DLC1: variants seen among roughly 807,000 people sequenced by gnomAD.
The protein encoded by DLC1 is DLC1 Rho GTPase activating protein.
DLC1 carries 54 observed loss-of-function variants against 140.3 expected under a neutral mutation model. The observed-to-expected ratio is 0.38, with a 90% confidence interval of 0.31 to 0.48. The LOEUF (loss-of-function observed/expected upper bound fraction) is 0.48, where lower values mean the gene tolerates loss of function less well. Among genes scored for constraint, DLC1 ranks in the 20% least tolerant of loss-of-function variants. The probability of loss-of-function intolerance (pLI) is 0.96; values close to 1 mark genes in which losing one functional copy is unlikely to be tolerated. For missense variants in DLC1, 2,536 were observed against 1,907.0 expected (o/e 1.33, Z -6.14); for synonymous variants, 986 against 728.1 (o/e 1.35, Z -5.70).
chr8:13,140,517 C>T (rs908454466), intron 5 of DLC1, among the ~76,000 whole-genome samples: 5 of 151,518 alleles, frequency 3.3e-5, no homozygotes, highest in African/African-American at 9.7e-5. Flanking sequence ...ACAGGTTGAG[C>T]CACAGTGCCT....
At chr8:13,561,050 G>A (rs73212128) in intron 1 of DLC1, among the ~76,000 whole-genome samples, 2,228 of 152,036 alleles carry the variant, frequency 0.015, 18 homozygotes, top group Non-Finnish European at 0.023. Flanking sequence ...GTGCTAGTTC[G>A]TATTTCAACA....
intron 4 of DLC1, among the ~76,000 whole-genome samples, chr8:13,393,299 C>T (rs190467493): frequency 1.1e-4 from 16 of 148,120 alleles, no homozygotes; most frequent in African/African-American, 3.7e-4. Flanking sequence ...TCTGAGTATC[C>T]GGCAATGAAA....
At chr8:13,369,863 C>T (rs1835652444) in intron 4 of DLC1, among the ~76,000 whole-genome samples, 1 of 151,356 alleles carries the variant, frequency 6.6e-6, no homozygotes, top group African/African-American at 2.4e-5. Context: ...AGAGCCCTCC[C>T]CTGGCTTCTC....
At chr8:13,200,326 T>C (rs1205611385) in intron 5 of DLC1, among the ~76,000 whole-genome samples, 1 of 152,078 alleles carries the variant, frequency 6.6e-6, no homozygotes, top group Non-Finnish European at 1.5e-5. Flanking sequence ...CCTCCCAAAG[T>C]GCTGGGATTA....
chr8:13,563,521 C>T (rs547793117), intron 1 of DLC1, among the ~76,000 whole-genome samples: 2 of 152,294 alleles, frequency 1.3e-5, no homozygotes, highest in Admixed American at 1.3e-4. Context: ...AGATTCCTGG[C>T]ATCTTTAACT....
chr8:13,347,224 CAGAG>C (rs1272160729), intron 4 of DLC1, among the ~76,000 whole-genome samples: 2 of 152,148 alleles, frequency 1.3e-5, no homozygotes, highest in South Asian at 2.1e-4. Flanking sequence ...TTTTGGAAAA[CAGAG>C]AGAAACAAGT....
At chr8:13,324,898 A>G (rs1289232267) in intron 4 of DLC1, among the ~76,000 whole-genome samples, 1 of 152,172 alleles carries the variant, frequency 6.6e-6, no homozygotes, top group African/African-American at 2.4e-5. Flanking sequence ...ATTGGAGATT[A>G]AATAGACTTT....
intron 5 of DLC1, among the ~76,000 whole-genome samples, chr8:13,145,090 T>C (rs1823317447): frequency 6.6e-6 from 1 of 152,172 alleles, no homozygotes. Flanking sequence ...ACTAAATATC[T>C]CATGAACTGA....
intron 1 of DLC1, among the ~76,000 whole-genome samples, chr8:13,578,112 G>T (rs1229736626): frequency 6.6e-6 from 1 of 152,048 alleles, no homozygotes; most frequent in Non-Finnish European, 1.5e-5. Context: ...CTCCCTGGGA[G>T]TTGGCTCCTT....
chr8:13,323,300 A>G (rs1833201613), intron 4 of DLC1, among the ~76,000 whole-genome samples: 1 of 152,240 alleles, frequency 6.6e-6, no homozygotes, highest in South Asian at 2.1e-4. Flanking sequence ...CTGTAAAACT[A>G]TGACTCAACT....
intron 16 of DLC1, among the ~76,000 whole-genome samples, chr8:13,087,345 C>T (rs1230598491): frequency 6.6e-6 from 1 of 152,232 alleles, no homozygotes; most frequent in Non-Finnish European, 1.5e-5. Context: ...AAGGCTTCAG[C>T]AGCCATGAGT....
At chr8:13,096,397 C>A (rs1818502462) in intron 10 of DLC1, among the ~76,000 whole-genome samples, 2 of 152,084 alleles carry the variant, frequency 1.3e-5, no homozygotes. Flanking sequence ...CTTTTGAATG[C>A]TCACCAGCAG....
At chr8:13,107,777 C>T (rs1344342057) in intron 7 of DLC1, among the ~76,000 whole-genome samples, 1 of 152,132 alleles carries the variant, frequency 6.6e-6, no homozygotes, top group African/African-American at 2.4e-5. Context: ...GCTGGCTGGT[C>T]GCGGTGGCTC....
intron 5 of DLC1, among the ~76,000 whole-genome samples, chr8:13,206,925 C>G (rs10108008): frequency 0.04 from 6,154 of 152,058 alleles, 422 homozygotes; most frequent in African/African-American, 0.14. Context: ...GCAGCTGTCA[C>G]TATTATGCTA....
intron 2 of DLC1, among the ~76,000 whole-genome samples, chr8:13,448,019 A>C (rs757042321): frequency 2.6e-5 from 4 of 152,220 alleles, no homozygotes; most frequent in Non-Finnish European, 5.9e-5. Flanking sequence ...CCCAAGGCCT[A>C]GAATATTTGG....
chr8:13,293,364 C>T (rs1378655677), intron 5 of DLC1, among the ~76,000 whole-genome samples: 2 of 152,128 alleles, frequency 1.3e-5, no homozygotes, highest in African/African-American at 2.4e-5. Flanking sequence ...ATGTAAGCTA[C>T]GATGGCACTG....
chr8:13,181,403 G>T (rs895969190), intron 5 of DLC1, among the ~76,000 whole-genome samples: 5 of 150,018 alleles, frequency 3.3e-5, no homozygotes, highest in African/African-American at 1.2e-4. Context: ...TTGATACATA[G>T]GTATACATGG....
chr8:13,556,096 A>G (rs1293954311), intron 1 of DLC1, among the ~76,000 whole-genome samples: 1 of 152,162 alleles, frequency 6.6e-6, no homozygotes, highest in African/African-American at 2.4e-5. Flanking sequence ...TCTCTGTGCT[A>G]GGGCAGTGCT....
intron 5 of DLC1, among the ~76,000 whole-genome samples, chr8:13,279,495 T>C (rs576752289): frequency 2.0e-5 from 3 of 152,348 alleles, no homozygotes; most frequent in African/African-American, 7.2e-5. Flanking sequence ...GGCATAAATG[T>C]AAATTTTCTT....
Sources: allele counts gnomAD v4.1 joint callset (sites outside exome capture counted in the v4.1 genomes callset), GRCh38; gene constraint gnomAD v4.1.1; transcripts MANE v1.5; gene names NCBI Gene and HGNC (gene_info 2026-07-23, HGNC 2026-07-21).